The following TUBGCP3 variants were observed in gnomAD, a reference collection of about 807,000 sequenced individuals.
The protein encoded by TUBGCP3 is tubulin gamma complex component 3, also known as gamma-tubulin complex component 3.
In TUBGCP3, 50 loss-of-function variants were observed where a neutral mutation model predicts 123.1. The ratio of observed to expected loss-of-function variants is 0.41; its 90% CI spans 0.32 to 0.51. The LOEUF (loss-of-function observed/expected upper bound fraction) is 0.51, where lower values mean the gene tolerates loss of function less well. Ranked by LOEUF, TUBGCP3 falls within the 20% of genes least tolerant of loss-of-function variation. The pLI is 0.36. For missense variants in TUBGCP3, 882 were observed against 1,127.0 expected (o/e 0.78, Z 3.11); for synonymous variants, 405 against 413.9 (o/e 0.98, Z 0.26).
chr13:112,600,189 T>C, the TUBGCP3 span, among the ~76,000 whole-genome samples: 1 of 152,142 alleles, frequency 6.6e-6, no homozygotes, highest in Non-Finnish European at 1.5e-5. Context: ...TCTGTGTGAG[T>C]CTGTTTCTTC....
At chr13:112,587,543 G>T (rs1882698116) in intron 1 of TUBGCP3, among the ~76,000 whole-genome samples, 1 of 152,234 alleles carries the variant, frequency 6.6e-6, no homozygotes, top group Non-Finnish European at 1.5e-5. Flanking sequence ...ATAAATTGGC[G>T]AGCTGGCATT....
chr13:112,600,783 C>T, the TUBGCP3 span, among the ~76,000 whole-genome samples: 1 of 152,122 alleles, frequency 6.6e-6, no homozygotes, highest in Non-Finnish European at 1.5e-5. Context: ...TCATTTTCGC[C>T]TATATTCTCC....
At chr13:112,488,956 C>T (rs1879876975) in intron 21 of TUBGCP3, among the ~76,000 whole-genome samples, 1 of 131,056 alleles carries the variant, frequency 7.6e-6, no homozygotes, top group African/African-American at 2.9e-5. Flanking sequence ...GGTCCCCACA[C>T]CCACCACAGG....
At chr13:112,597,608 G>T in the TUBGCP3 span, among the ~76,000 whole-genome samples, 6 of 151,836 alleles carry the variant, frequency 4.0e-5, no homozygotes, top group African/African-American at 1.2e-4. Flanking sequence ...GTTTGGCAAA[G>T]AATTTAGAGA....
At chr13:112,526,312 C>T (rs1353787711) in intron 13 of TUBGCP3, among the ~76,000 whole-genome samples, 2 of 151,322 alleles carry the variant, frequency 1.3e-5, no homozygotes, top group Non-Finnish European at 2.9e-5. Context: ...TCACTGCCAC[C>T]ACCATGCCAT....
Position 112,527,392 on chromosome 13 carries a change from C to T in TUBGCP3, c.1428G>A (p.Thr476=), listed in dbSNP as rs76330970. The change falls in exon 12 of 22, where the codon ACG becomes ACA. Residue 476 remains threonine (T), a synonymous_variant. Coordinates refer to ENST00000261965, the MANE Select transcript of TUBGCP3 (RefSeq NM_006322.6). ...ATCCTACCTTCCTAGACTGATCCAT[C>T]GTCATAAACGAAGGAATCATCGATT... ...LRKSMIPSFM[T]MDQSRKVLLI... The T allele has an allele frequency of 1.1e-3, 1,730 of 1,584,540 alleles. 21 individuals are homozygous for T. The African/African-American group carries it at 0.021, about 19-fold the overall frequency.
chr13:112,492,590 T>C (rs1284631288), intron 20 of TUBGCP3, among the ~76,000 whole-genome samples: 3 of 152,296 alleles, frequency 2.0e-5, no homozygotes, highest in East Asian at 3.9e-4. Context: ...TGAGACACCC[T>C]GGCTATGGGA....
intron 16 of TUBGCP3, among the ~76,000 whole-genome samples, chr13:112,518,171 C>T (rs1350919704): frequency 6.6e-6 from 1 of 152,078 alleles, no homozygotes; most frequent in Admixed American, 6.6e-5. Context: ...TTCTTACCCC[C>T]AAGAGGAAAG....
intron 11 of TUBGCP3, among the ~76,000 whole-genome samples, chr13:112,542,235 AT>A (rs1878580432): frequency 6.6e-6 from 1 of 152,196 alleles, no homozygotes; most frequent in African/African-American, 2.4e-5. Flanking sequence ...TAAATAACAA[AT>A]TTTTTAAACT....
intron 13 of TUBGCP3, among the ~76,000 whole-genome samples, chr13:112,523,261 G>A (rs896193220): frequency 1.3e-5 from 2 of 152,180 alleles, no homozygotes; most frequent in Non-Finnish European, 2.9e-5. Context: ...GAGGCAAAAC[G>A]CTAGCTGAAG....
At chr13:112,594,884 G>A in the TUBGCP3 span, among the ~76,000 whole-genome samples, 1 of 152,096 alleles carries the variant, frequency 6.6e-6, no homozygotes, top group Non-Finnish European at 1.5e-5. Flanking sequence ...CTGTTATTTT[G>A]TTGTTGATTT....
intron 8 of TUBGCP3, 71 bp from the exon 9 acceptor site, chr13:112,548,247 T>G (rs1879231192): frequency 3.2e-6 from 4 of 1,246,122 alleles, no homozygotes; most frequent in Non-Finnish European, 4.5e-6. Flanking sequence ...AGTGGAAAGG[T>G]ATAATGCGTT....
chr13:112,540,141 A>G (rs1009542941), intron 11 of TUBGCP3, among the ~76,000 whole-genome samples: 6 of 150,334 alleles, frequency 4.0e-5, no homozygotes, highest in Non-Finnish European at 8.9e-5. Flanking sequence ...GGGAATGAGG[A>G]TGTCAATATA....
chr13:112,579,215 C>T (rs1486257327), intron 1 of TUBGCP3, among the ~76,000 whole-genome samples: 2 of 152,220 alleles, frequency 1.3e-5, no homozygotes, highest in African/African-American at 4.8e-5. Context: ...ATTAAAACCA[C>T]ACTGAGATAT....
rs1299109257 is a variant in TUBGCP3, at chr13:112,499,148, A to C, written c.2345T>G (p.Ile782Ser). The C allele has an allele frequency of 1.1e-5, 18 of 1,613,836 alleles. No individual in the cohort carries two copies. The highest frequency in any genetic ancestry group is 1.7e-5 in the Admixed American group (1 of 59,986). Residue 782 changes from isoleucine to serine, a missense_variant, in exon 20 of 22, where the codon ATT becomes AGT. By Grantham distance (142) the Ile-to-Ser change is moderately radical. Around this residue, in one of 3 missense-constraint regions of TUBGCP3, gnomAD observed 160 missense variants for 220.3 expected, o/e 0.73. Coordinates refer to ENST00000261965, the MANE Select transcript of TUBGCP3 (RefSeq NM_006322.6). ...LNQLRAVFDQ[I>S]IELQNAQDAI... ...ATCTTGAGCATTCTGAAGTTCAATAATTTGATCAAACACAGCTCTAAGTTG... is the reference window on the plus strand; with the variant it reads ...ATCTTGAGCATTCTGAAGTTCAATACTTTGATCAAACACAGCTCTAAGTTG...
chr13:112,549,816 CT>C (rs1879405259), intron 8 of TUBGCP3, among the ~76,000 whole-genome samples: 4 of 151,748 alleles, frequency 2.6e-5, no homozygotes, highest in South Asian at 4.2e-4. Flanking sequence ...GGTGAGACCC[CT>C]GTCTCTACTA....
In TUBGCP3 at chr13:112,511,966, G is replaced by A. The variant is rs1032072997; in HGVS notation, c.2086+4474C>T. 4.6e-5 allele frequency among the ~76,000 whole-genome samples: 7 copies of A among 152,242 alleles called. No individual in the cohort carries two copies. In the South Asian group the frequency reaches 6.2e-4, roughly 14 times the overall value. On this transcript the variant is annotated intron_variant, in intron 17 of 21. Transcript: ENST00000261965. This position sits in a 1 kb window ranked among gnomAD's most constrained non-coding sequence, Gnocchi z 4.1. ...CACTTACTCAGACACTCGTTCTCTC[G>A]AAAGCACATTTCATTCAGTGGGATT... is the stretch of plus-strand genomic sequence containing the variant.
chr13:112,522,215 A>G (rs1442885813), intron 14 of TUBGCP3, 105 bp downstream of exon 14: 1 of 1,046,040 alleles, frequency 9.6e-7, no homozygotes, highest in African/African-American at 1.6e-5. Context: ...GTATGCTCGA[A>G]GAATTCAACT....
chr13:112,501,926 C>G (rs942821542), intron 19 of TUBGCP3, among the ~76,000 whole-genome samples: 3 of 152,182 alleles, frequency 2.0e-5, no homozygotes, highest in Non-Finnish European at 4.4e-5. Context: ...GACAATTTAT[C>G]TCGTACAGAA....
Sources: gnomAD v4.1 joint callset for allele counts (sites outside exome capture counted in the v4.1 genomes callset) on GRCh38, gnomAD v4.1.1 for gene constraint, gnomAD v4.1.1 regional missense constraint, Gnocchi (gnomAD v3.1) non-coding constraint, MANE v1.5 for transcripts, NCBI Gene and HGNC (gene_info 2026-07-23, HGNC 2026-07-21) for gene names.